Variants in DNAJC13 observed in about 807,000 individuals in gnomAD.
DNAJC13 encodes dnaJ homolog subfamily C member 13.
Under a neutral mutation model 290.5 loss-of-function variants are expected in DNAJC13, and 75 were observed. That is an observed-to-expected ratio of 0.26 (90% CI 0.21 to 0.31). The LOEUF (loss-of-function observed/expected upper bound fraction) is 0.31. Ranked by LOEUF, DNAJC13 falls within the 10% of genes least tolerant of loss-of-function variation. The pLI, the probability that DNAJC13 is intolerant of heterozygous loss-of-function variation, is 1.00. For missense variants in DNAJC13, 2,260 were observed against 2,674.5 expected (o/e 0.85, Z 3.42); for synonymous variants, 862 against 892.0 (o/e 0.97, Z 0.60).
intron 20 of DNAJC13, among the ~76,000 whole-genome samples, chr3:132,468,714 G>A (rs540764971): frequency 6.6e-6 from 1 of 152,078 alleles, no homozygotes; most frequent in African/African-American, 2.4e-5. Flanking sequence ...TAATAGTAAA[G>A]GCACTATATA....
At chr3:132,418,298 T>C (rs1327812568) in intron 1 of DNAJC13, among the ~76,000 whole-genome samples, 2 of 152,234 alleles carry the variant, frequency 1.3e-5, no homozygotes, top group African/African-American at 4.8e-5. Flanking sequence ...GGCTTTTCCT[T>C]CCTGCAAGGC....
intron 48 of DNAJC13, among the ~76,000 whole-genome samples, chr3:132,518,703 C>A (rs1386643934): frequency 6.6e-6 from 1 of 152,058 alleles, no homozygotes; most frequent in Non-Finnish European, 1.5e-5. Flanking sequence ...ATATTAATAT[C>A]ATTGACATAC....
intron 29 of DNAJC13, among the ~76,000 whole-genome samples, chr3:132,486,649 T>C (rs1934888354): frequency 6.6e-6 from 1 of 152,210 alleles, no homozygotes. Flanking sequence ...TTTCTTTTAA[T>C]TTTTTCTATT....
chr3:132,432,317 C>G (rs1226830873), intron 1 of DNAJC13, among the ~76,000 whole-genome samples: 1 of 152,086 alleles, frequency 6.6e-6, no homozygotes, highest in African/African-American at 2.4e-5. Context: ...ATTCCCCTGC[C>G]TCAGCCTCCC....
In DNAJC13 at chr3:132,531,734, A is replaced by T. The variant is rs566605146; in HGVS notation, c.6625+637A>T. Reference sequence around the variant, plus strand: ...ATGGTGGGAACCCGGGAGGCAGAGCATGCAGTGAGCCAAGATTGCGCCACT... The same window carrying T: ...ATGGTGGGAACCCGGGAGGCAGAGCTTGCAGTGAGCCAAGATTGCGCCACT... On this transcript the variant is annotated intron_variant, in intron 55 of 55. Coordinates refer to ENST00000260818, the MANE Select transcript of DNAJC13 (RefSeq NM_015268.4). Among the ~76,000 whole-genome samples, 17 of 152,004 alleles carry T rather than the reference A, an allele frequency of 1.1e-4. No homozygotes were observed. In the East Asian group the frequency reaches 2.7e-3, roughly 24 times the overall value.
In DNAJC13 at chr3:132,506,696, C is replaced by A. The variant is rs574679554; in HGVS notation, c.4999-541C>A. Among the ~76,000 whole-genome samples, 52 of 151,820 alleles carry A rather than the reference C, an allele frequency of 3.4e-4. No individual in the cohort carries two copies. In the South Asian group the frequency reaches 6.5e-3, roughly 19 times the overall value. ...CCTCCCAAGTAGCTGGGACTACAGG[C>A]ATGTATCACCACGCCCAGCCACTTT... On this transcript the variant is annotated intron_variant, in intron 42 of 55. Coordinates refer to ENST00000260818, the MANE Select transcript of DNAJC13 (RefSeq NM_015268.4).
At chr3:132,523,132 G>T in intron 49 of DNAJC13, 25 bp from the exon 50 acceptor site, 2 of 1,613,734 alleles carry the variant, frequency 1.2e-6, no homozygotes, top group Non-Finnish European at 1.7e-6. Flanking sequence ...CTGAAGTTTG[G>T]TATCCATCCC....
chr3:132,497,064 A>C lies in DNAJC13; in HGVS notation c.4156+401A>C, dbSNP rs185219308. On this transcript the variant is annotated intron_variant, in intron 36 of 55. Coordinates refer to ENST00000260818, the MANE Select transcript of DNAJC13 (RefSeq NM_015268.4). ...TTAAAAGCCTCTGAAGGTTAAAAAC[A>C]CCAAGAGCATTCAGATTTTTTAAAA... Among the ~76,000 whole-genome samples, 355 of 152,366 alleles carry C rather than the reference A, an allele frequency of 2.3e-3. 1 individual carries two copies. Among genetic ancestry groups the C allele is most frequent in the African/African-American group, 8.2e-3 (343 of 41,586 alleles).
intron 43 of DNAJC13, among the ~76,000 whole-genome samples, chr3:132,509,826 A>G (rs994211705): frequency 6.6e-6 from 1 of 152,196 alleles, no homozygotes; most frequent in Non-Finnish European, 1.5e-5. Context: ...TTTAGACATG[A>G]TACTATTGTA....
In DNAJC13 at chr3:132,462,723, G is replaced by A. The variant is rs568706332; in HGVS notation, c.1770+200G>A. On this transcript the variant is annotated intron_variant, in intron 16 of 55. Coordinates refer to ENST00000260818, the MANE Select transcript of DNAJC13 (RefSeq NM_015268.4). ...CAATAATAAAAGTTTTAATTTCATA[G>A]TGAAGTTGTAGAGCAAATAAATCTG... Among the ~76,000 whole-genome samples, 5 of 152,272 alleles carry A rather than the reference G, an allele frequency of 3.3e-5. No individual in the cohort carries two copies. In the South Asian group the frequency reaches 1.0e-3, roughly 32 times the overall value.
chr3:132,471,043 C>T lies in DNAJC13; in HGVS notation c.2209-2102C>T, dbSNP rs1305367905. ...CTGACCCCCCCACCTCCCTCCCGGA[C>T]GGGGCGGCTGGCCAGGCGGGGGGCT... On this transcript the variant is annotated intron_variant, in intron 20 of 55. Transcript: ENST00000260818. 6.7e-5 allele frequency among the ~76,000 whole-genome samples: 9 copies of T among 134,946 alleles called. No individual in the cohort carries two copies. In the East Asian group the frequency reaches 7.1e-4, roughly 11 times the overall value. The allele number at this position is 134,946 out of a possible 152,430, so 88.5% of individuals were successfully genotyped here.
At chr3:132,491,081 A>T in intron 32 of DNAJC13, 30 bp downstream of exon 32, 1 of 1,550,260 alleles carries the variant, frequency 6.5e-7, no homozygotes, top group Non-Finnish European at 8.7e-7. Context: ...ATTGATTTGT[A>T]TTTTATAATT....
intron 37 of DNAJC13, 93 bp downstream of exon 37, chr3:132,499,403 T>G: frequency 1.8e-6 from 2 of 1,097,464 alleles, no homozygotes; most frequent in Non-Finnish European, 2.6e-6. Flanking sequence ...AAATGCAGAT[T>G]CTTTAATTTA....
intron 1 of DNAJC13, among the ~76,000 whole-genome samples, chr3:132,431,630 C>T (rs1316894155): frequency 6.6e-6 from 1 of 152,088 alleles, no homozygotes; most frequent in East Asian, 1.9e-4. Context: ...ATGTTTTTAC[C>T]ACTCAGGTAT....
chr3:132,427,178 C>T (rs1939121455), intron 1 of DNAJC13, among the ~76,000 whole-genome samples: 1 of 147,886 alleles, frequency 6.8e-6, no homozygotes, highest in South Asian at 2.1e-4. Flanking sequence ...GTCTCCCAGG[C>T]TCGAGTGCAG....
At chr3:132,475,954 G>GA (rs1460961413) in intron 22 of DNAJC13, among the ~76,000 whole-genome samples, 12 of 151,818 alleles carry the variant, frequency 7.9e-5, no homozygotes, top group African/African-American at 2.4e-4. Context: ...ATTTTTCTGA[G>GA]ACACGACCTT....
At chr3:132,450,555 T>C in intron 5 of DNAJC13, 92 bp from the exon 6 acceptor site, 1 of 810,324 alleles carries the variant, frequency 1.2e-6, no homozygotes. Context: ...AGTTAGATTT[T>C]TGGTCGTTTC....
intron 1 of DNAJC13, among the ~76,000 whole-genome samples, chr3:132,424,719 T>C (rs1380018311): frequency 6.6e-6 from 1 of 152,132 alleles, no homozygotes; most frequent in Non-Finnish European, 1.5e-5. Flanking sequence ...TTTTTTATTC[T>C]TCAACGACAT....
intron 17 of DNAJC13, among the ~76,000 whole-genome samples, chr3:132,464,765 G>T (rs1237894900): frequency 3.3e-5 from 5 of 152,078 alleles, no homozygotes; most frequent in Non-Finnish European, 5.9e-5. Flanking sequence ...ACTATTGATA[G>T]CTTATTCCAT....
Sources: gnomAD v4.1 joint callset for allele counts (sites outside exome capture counted in the v4.1 genomes callset) on GRCh38, gnomAD v4.1.1 for gene constraint, MANE v1.5 for transcripts, NCBI Gene and HGNC (gene_info 2026-07-23, HGNC 2026-07-21) for gene names.